Variants in SLA observed in about 807,000 individuals in gnomAD.
SLA encodes the protein src-like-adapter.
In SLA, 16 loss-of-function variants were observed where a neutral mutation model predicts 30.3. That is an observed-to-expected ratio of 0.53 (90% CI 0.36 to 0.80). The LOEUF (loss-of-function observed/expected upper bound fraction) is 0.80, where lower values mean the gene tolerates loss of function less well. Ranked by LOEUF, SLA falls within the 30% of genes least tolerant of loss-of-function variation. The pLI is 0.01. For synonymous variants in SLA, 143 were observed against 137.8 expected (o/e 1.04, Z -0.26); for missense variants, 310 against 345.2 (o/e 0.90, Z 0.81).
At chr8:133,064,961 AG>A (rs1842852176) in intron 2 of SLA, among the ~76,000 whole-genome samples, 1 of 152,236 alleles carries the variant, frequency 6.6e-6, no homozygotes, top group Non-Finnish European at 1.5e-5. Context: ...TCATAAAGCC[AG>A]GAACTGAACC....
chr8:133,063,067 T>C (rs191198900), intron 2 of SLA, among the ~76,000 whole-genome samples: 10 of 152,238 alleles, frequency 6.6e-5, no homozygotes, highest in Non-Finnish European at 1.0e-4. Flanking sequence ...GTTCTCAACA[T>C]GCAGAACTAA....
intron 1 of SLA, among the ~76,000 whole-genome samples, chr8:133,096,849 A>C (rs1848495105): frequency 6.6e-6 from 1 of 152,250 alleles, no homozygotes; most frequent in Non-Finnish European, 1.5e-5. Context: ...TGCACCTGGC[A>C]AACACGCAGC....
rs1844197869 is a variant in SLA, at chr8:133,072,407, T to G, written c.-41+2446A>C. Among the ~76,000 whole-genome samples the G allele has an allele frequency of 2.0e-5, 3 of 152,114 alleles. 1 individual carries two copies. The South Asian group carries it at 6.2e-4, about 32-fold the overall frequency. ...AGTCGATCACATGATGTGACCTCAA[T>G]GGATATTTTATTGCAGGAAGAGAGG... On this transcript the variant is annotated intron_variant, in intron 2 of 8. Transcript: ENST00000338087.
chr8:133,044,590 A>T (rs1008354177), intron 7 of SLA, among the ~76,000 whole-genome samples: 9 of 152,126 alleles, frequency 5.9e-5, no homozygotes, highest in African/African-American at 1.9e-4. Context: ...GAGGCGTTTC[A>T]TGTTGGTCTT....
At chr8:133,094,363 C>T (rs1408236200) in intron 1 of SLA, among the ~76,000 whole-genome samples, 1 of 151,820 alleles carries the variant, frequency 6.6e-6, no homozygotes, top group Non-Finnish European at 1.5e-5. Context: ...ACCTCAGCCT[C>T]CCAAGTAGCA....
intron 8 of SLA, 127 bp downstream of exon 8, chr8:133,039,871 G>C: frequency 1.4e-6 from 2 of 1,455,798 alleles, no homozygotes; most frequent in Non-Finnish European, 1.8e-6. Flanking sequence ...AGTTTCAGCA[G>C]GGCTGGCTGA....
At chr8:133,088,485 T>A (rs997267384) in intron 1 of SLA, among the ~76,000 whole-genome samples, 5 of 152,174 alleles carry the variant, frequency 3.3e-5, no homozygotes, top group African/African-American at 1.2e-4. Flanking sequence ...ACCTACCCAC[T>A]CCAAGCCTCA....
At chr8:133,095,250 C>A in intron 1 of SLA, 1 of 1,613,776 alleles carries the variant, frequency 6.2e-7, no homozygotes, top group South Asian at 1.1e-5. Flanking sequence ...ATTCTCTGGT[C>A]TTTTACAAAT....
intron 6 of SLA, 26 bp from the exon 7 acceptor site, chr8:133,045,141 T>C: frequency 6.2e-7 from 1 of 1,613,334 alleles, no homozygotes; most frequent in Non-Finnish European, 8.5e-7. Context: ...GATAAGTCAG[T>C]GGGCTCCACC....
At chr8:133,072,323 G>A (rs2131441932) in intron 2 of SLA, among the ~76,000 whole-genome samples, 1 of 152,356 alleles carries the variant, frequency 6.6e-6, no homozygotes, top group South Asian at 2.1e-4. Context: ...GGAGGAAGTG[G>A]TTTGAACAGA....
intron 3 of SLA, among the ~76,000 whole-genome samples, chr8:133,055,866 G>GCAA (rs1208711281): frequency 1.3e-5 from 2 of 151,550 alleles, no homozygotes; most frequent in Non-Finnish European, 2.9e-5. Context: ...AGCAGCAGCA[G>GCAA]CAGCAGGGCG....
At chr8:133,082,419 T>C (rs1399254076) in intron 1 of SLA, among the ~76,000 whole-genome samples, 2 of 152,180 alleles carry the variant, frequency 1.3e-5, no homozygotes, top group East Asian at 3.9e-4. Flanking sequence ...TCCCTCCTTG[T>C]AGATTGCAAA....
chr8:133,054,691 G>C (rs1564125178), intron 3 of SLA, among the ~76,000 whole-genome samples: 2 of 152,192 alleles, frequency 1.3e-5, no homozygotes, highest in Non-Finnish European at 2.9e-5. Flanking sequence ...ACTCCACTTG[G>C]TGAGAACAGA....
At chr8:133,100,545 C>T (rs1360565938) in intron 1 of SLA, among the ~76,000 whole-genome samples, 1 of 152,188 alleles carries the variant, frequency 6.6e-6, no homozygotes, top group Non-Finnish European at 1.5e-5. Flanking sequence ...TGGAAGTCTT[C>T]AATGAAATAA....
intron 1 of SLA, among the ~76,000 whole-genome samples, chr8:133,079,229 C>T (rs1470125926): frequency 6.6e-6 from 1 of 152,184 alleles, no homozygotes; most frequent in East Asian, 1.9e-4. Flanking sequence ...CAAAAAGACA[C>T]CCAGTACCAT....
At chr8:133,094,163 A>G (rs1175753534) in intron 1 of SLA, among the ~76,000 whole-genome samples, 1 of 152,012 alleles carries the variant, frequency 6.6e-6, no homozygotes. Context: ...CAATTCTACC[A>G]AAAGTCCGGG....
At chr8:133,049,482 C>T in intron 5 of SLA, 1 of 283,140 alleles carries the variant, frequency 3.5e-6, no homozygotes, top group Admixed American at 4.5e-5. Context: ...ATGTTATGAT[C>T]TCTACTTGAC....
chr8:133,077,864 C>T (rs1416241919), intron 1 of SLA, among the ~76,000 whole-genome samples: 1 of 151,836 alleles, frequency 6.6e-6, no homozygotes, highest in Non-Finnish European at 1.5e-5. Context: ...CAGCAGGAGC[C>T]CCCCGCACCC....
intron 2 of SLA, among the ~76,000 whole-genome samples, chr8:133,062,208 C>A (rs983074271): frequency 2.6e-5 from 4 of 152,192 alleles, no homozygotes; most frequent in Admixed American, 1.3e-4. Flanking sequence ...ATGCTTGCCC[C>A]TACCCTCCTC....
Sources: gnomAD v4.1 joint callset for allele counts (sites outside exome capture counted in the v4.1 genomes callset) on GRCh38, gnomAD v4.1.1 for gene constraint, MANE v1.5 for transcripts, NCBI Gene and HGNC (gene_info 2026-07-23, HGNC 2026-07-21) for gene names.